NPFFR2: variants seen among roughly 807,000 people sequenced by gnomAD.
The protein encoded by NPFFR2 is G-protein coupled receptor 74.
NPFFR2 carries 15 observed loss-of-function variants against 13.1 expected under a neutral mutation model. The ratio of observed to expected loss-of-function variants is 1.15; its 90% CI spans 0.77 to 1.76. The LOEUF (loss-of-function observed/expected upper bound fraction) is 1.76, where lower values mean the gene tolerates loss of function less well. Among genes scored for constraint, NPFFR2 ranks in the 40% most tolerant of loss-of-function variants. The pLI, the probability that NPFFR2 is intolerant of heterozygous loss-of-function variation, is 0.00. For missense variants in NPFFR2, 572 were observed against 503.5 expected, an observed-to-expected ratio of 1.14 and a Z score of -1.30; for synonymous variants, 190 against 175.7, an observed-to-expected ratio of 1.08 and a Z score of -0.65.
chr4:72,147,539 C>A lies in NPFFR2; in HGVS notation c.990C>A (p.Pro330=), dbSNP rs763718517. 12 of 1,614,208 alleles carry A rather than the reference C, an allele frequency of 7.4e-6. No homozygotes were observed. The Admixed American group carries it at 1.8e-4, about 25-fold the overall frequency. Residue 330 remains proline (P), a synonymous_variant, in exon 4 of 4, where the codon CCC becomes CCA. Transcript: ENST00000308744. ...CATTCGGCAACAGCAGTGTCAATCC[C>A]ATCATTTATGGTTTCTTCAACGAGA... The part of the protein sequence containing the change: ...WLAFGNSSVN[P]IIYGFFNENF...
intron 1 of NPFFR2, among the ~76,000 whole-genome samples, chr4:72,106,020 A>G (rs1205890665): frequency 6.6e-6 from 1 of 152,056 alleles, no homozygotes; most frequent in Non-Finnish European, 1.5e-5. Flanking sequence ...CTGTGAAGAT[A>G]AAAAGACCCA....
intron 1 of NPFFR2, among the ~76,000 whole-genome samples, chr4:72,080,929 C>T (rs1720599584): frequency 6.6e-6 from 1 of 152,026 alleles, no homozygotes; most frequent in Non-Finnish European, 1.5e-5. Flanking sequence ...CCCCCAGTTG[C>T]AGATAACAGA....
In NPFFR2 at chr4:72,032,153, G is replaced by A; in HGVS notation, c.-55G>A. On this transcript the variant is annotated 5_prime_UTR_variant, in exon 1 of 4. Transcript: ENST00000308744. The stretch of plus-strand genomic sequence containing the variant: ...GGGACAGAACCTGTTGCTGCAGACG[G>A]GCTTGGTGGATTCTGGTTCCTGCCG... The A allele has an allele frequency of 6.2e-7, 1 of 1,613,800 alleles. No individual in the cohort carries two copies. Among genetic ancestry groups the A allele is most frequent in the Non-Finnish European group, 8.5e-7 (1 of 1,179,810 alleles).
intron 1 of NPFFR2, among the ~76,000 whole-genome samples, chr4:72,109,575 GATA>G (rs1383209731): frequency 6.6e-6 from 1 of 151,994 alleles, no homozygotes; most frequent in African/African-American, 2.4e-5. Flanking sequence ...TCAAGAAGCA[GATA>G]ATAATTCTGG....
chr4:72,118,011 A>C (rs1721761766), intron 1 of NPFFR2, among the ~76,000 whole-genome samples: 1 of 152,180 alleles, frequency 6.6e-6, no homozygotes, highest in South Asian at 2.1e-4. Context: ...AGAAAGGAAA[A>C]AAGGAAGGAA....
At chr4:72,038,499 C>T (rs149813529) in intron 1 of NPFFR2, among the ~76,000 whole-genome samples, 246 of 148,210 alleles carry the variant, frequency 1.7e-3, no homozygotes, top group South Asian at 4.7e-3. Context: ...GACAAGTTGC[C>T]GAAACTTCAA....
chr4:72,141,720 G>C (rs1013150779), intron 3 of NPFFR2, among the ~76,000 whole-genome samples: 4 of 152,266 alleles, frequency 2.6e-5, no homozygotes, highest in African/African-American at 9.6e-5. Flanking sequence ...GTGGTGCTGA[G>C]AAGAATGTAT....
intron 1 of NPFFR2, among the ~76,000 whole-genome samples, chr4:72,066,060 T>C (rs191350406): frequency 1.3e-5 from 2 of 152,298 alleles, no homozygotes; most frequent in Admixed American, 1.3e-4. Context: ...GAACAGAAAT[T>C]TGTTTTCCCA....
At chr4:72,049,972 G>A (rs1189524989) in intron 1 of NPFFR2, among the ~76,000 whole-genome samples, 2 of 152,012 alleles carry the variant, frequency 1.3e-5, no homozygotes, top group Non-Finnish European at 2.9e-5. Flanking sequence ...AAGGGTGGGG[G>A]TCACTGGTTG....
intron 1 of NPFFR2, among the ~76,000 whole-genome samples, chr4:72,068,616 G>A (rs1158888139): frequency 1.3e-5 from 2 of 152,098 alleles, no homozygotes; most frequent in African/African-American, 2.4e-5. Context: ...ACAGTGGCAT[G>A]TCATAGGCAT....
chr4:72,044,419 G>T (rs1719320200), intron 1 of NPFFR2, among the ~76,000 whole-genome samples: 1 of 152,078 alleles, frequency 6.6e-6, no homozygotes, highest in African/African-American at 2.4e-5. Context: ...TCTGTATGTG[G>T]TTTGCCAGTT....
intron 1 of NPFFR2, among the ~76,000 whole-genome samples, chr4:72,073,743 G>T (rs935095918): frequency 6.6e-6 from 1 of 151,972 alleles, no homozygotes; most frequent in African/African-American, 2.4e-5. Context: ...ACTAAAAAAG[G>T]TAGTGCTGAA....
At chr4:72,077,088 A>T (rs1231222686) in intron 1 of NPFFR2, among the ~76,000 whole-genome samples, 1 of 152,152 alleles carries the variant, frequency 6.6e-6, no homozygotes, top group Non-Finnish European at 1.5e-5. Context: ...GGTACATAGG[A>T]TAAAATAGTC....
chr4:72,076,021 G>A (rs1373512853), intron 1 of NPFFR2, among the ~76,000 whole-genome samples: 1 of 5,120 alleles, frequency 2.0e-4, no homozygotes, highest in African/African-American at 3.4e-4. Flanking sequence ...AGAGAGAGAG[G>A]GCAGACAGCA....
At position 72,118,223 on chromosome 4, in the gene NPFFR2, C is replaced by T. The variant is rs377439065; in HGVS notation, c.-7-10362C>T. Among the ~76,000 whole-genome samples the T allele has an allele frequency of 3.9e-5, 6 of 152,188 alleles. No homozygotes were observed. The East Asian group carries it at 9.7e-4, about 25-fold the overall frequency. On this transcript the variant is annotated intron_variant, in intron 1 of 3. Transcript: ENST00000308744. The stretch of plus-strand genomic sequence containing the variant: ...TTTTTACTGATGGTGTGACATTTAG[C>T]GGATTAGTTAATTTGGTCATTGCTT...
At chr4:72,104,348 G>A (rs546326058) in intron 1 of NPFFR2, among the ~76,000 whole-genome samples, 2 of 152,140 alleles carry the variant, frequency 1.3e-5, no homozygotes, top group Admixed American at 1.3e-4. Context: ...CTCATAATAA[G>A]TAGGAGGGCC....
intron 1 of NPFFR2, among the ~76,000 whole-genome samples, chr4:72,094,528 G>A (rs1721004256): frequency 6.6e-6 from 1 of 152,262 alleles, no homozygotes; most frequent in African/African-American, 2.4e-5. Context: ...TGCAGCTGCT[G>A]TGGGGGATGA....
At chr4:72,076,006 C>CACACACACACACAGAG (rs746237728) in intron 1 of NPFFR2, among the ~76,000 whole-genome samples, 2 of 122,760 alleles carry the variant, frequency 1.6e-5, no homozygotes, top group African/African-American at 7.6e-5. Context: ...CACACACACA[C>CACACACACACACAGAG]AGAGAGAGAG....
At chr4:72,066,575 G>A (rs1441674480) in intron 1 of NPFFR2, among the ~76,000 whole-genome samples, 1 of 151,830 alleles carries the variant, frequency 6.6e-6, no homozygotes, top group Non-Finnish European at 1.5e-5. Flanking sequence ...TGAATCTGTG[G>A]AATTAAAAAA....
Sources: allele counts gnomAD v4.1 joint callset (sites outside exome capture counted in the v4.1 genomes callset), GRCh38; gene constraint gnomAD v4.1.1; transcripts MANE v1.5; gene names NCBI Gene and HGNC (gene_info 2026-07-23, HGNC 2026-07-21).